Variants in SYT2 observed in about 807,000 individuals in gnomAD.
SYT2 encodes synaptotagmin-2.
A neutral mutation model predicts 39.9 loss-of-function variants in SYT2; 15 were observed. That is an observed-to-expected ratio of 0.38 (90% CI 0.25 to 0.58). The LOEUF is 0.58. Ranked by LOEUF, SYT2 falls within the 20% of genes least tolerant of loss-of-function variation. SYT2 has a pLI of 0.70. For synonymous variants in SYT2, 181 were observed against 204.5 expected, an observed-to-expected ratio of 0.89 and a Z score of 0.98; for missense variants, 389 against 530.3, an observed-to-expected ratio of 0.73 and a Z score of 2.62.
At chr1:202,608,371 G>A (rs961343522) in intron 1 of SYT2, among the ~76,000 whole-genome samples, 2 of 151,394 alleles carry the variant, frequency 1.3e-5, no homozygotes, top group African/African-American at 2.4e-5. Context: ...CCACCTCCAG[G>A]GCTCAAGTGA....
Position 202,646,422 on chromosome 1 carries a change from C to T in SYT2, c.-17-40633G>A, listed in dbSNP as rs185778029. ...TGCTTCTCCTCTGCAGCCCTCATCA[C>T]GCTTATCCTTCCTTGTTCTAGTCTC... is the stretch of plus-strand genomic sequence containing the variant. On this transcript the variant is annotated intron_variant, in intron 1 of 8. Transcript: ENST00000367268. Among the ~76,000 whole-genome samples the T allele has an allele frequency of 1.5e-4, 23 of 152,258 alleles. No homozygotes were observed. The South Asian group carries it at 1.7e-3, about 11-fold the overall frequency.
At chr1:202,657,280 A>G (rs1475085242) in intron 1 of SYT2, among the ~76,000 whole-genome samples, 1 of 152,180 alleles carries the variant, frequency 6.6e-6, no homozygotes, top group Non-Finnish European at 1.5e-5. Flanking sequence ...CGGTCTTTAG[A>G]GCAACCCACC....
At chr1:202,656,047 G>C (rs576813407) in intron 1 of SYT2, among the ~76,000 whole-genome samples, 1 of 152,318 alleles carries the variant, frequency 6.6e-6, no homozygotes, top group Admixed American at 6.5e-5. Flanking sequence ...AGAGAGGAGT[G>C]GGTGAACAGC....
At position 202,614,472 on chromosome 1, in the gene SYT2, T is replaced by TCACA. The variant is rs1294848199; in HGVS notation, c.-17-8684_-17-8683insTGTG. On this transcript the variant is annotated intron_variant, in intron 1 of 8. Transcript: ENST00000367268. The surrounding 1 kb of genome is among the most constrained non-coding windows in gnomAD (Gnocchi z 4.0). ...AGATGTGAGAGACACATTCATTCAT[T>TCACA]CACTCACTCACTCAAGTATTTACTG... 1.3e-5 allele frequency among the ~76,000 whole-genome samples: 2 copies of TCACA among 152,170 alleles called. No homozygotes were observed. Among genetic ancestry groups the TCACA allele is most frequent in the African/African-American group, 4.8e-5 (2 of 41,448 alleles).
At chr1:202,632,668 C>G (rs142515677) in intron 1 of SYT2, 13 of 847,464 alleles carry the variant, frequency 1.5e-5, no homozygotes, top group Non-Finnish European at 1.7e-5. Flanking sequence ...AGACCTGCCC[C>G]GGAGGAATCC....
intron 1 of SYT2, among the ~76,000 whole-genome samples, chr1:202,661,823 C>T (rs1692388451): frequency 6.6e-6 from 1 of 152,228 alleles, no homozygotes; most frequent in South Asian, 2.1e-4. Context: ...GAGTGGGACC[C>T]TAATTTGCTC....
rs539995498 is a variant in SYT2, at chr1:202,662,327, G to T, written c.-18+47931C>A. ...CCTCACTACTTCCTAAAGACGCAGA[G>T]ATTACACTAATTGATCCCCCTGCCT... On this transcript the variant is annotated intron_variant, in intron 1 of 8. Coordinates refer to ENST00000367268, the MANE Select transcript of SYT2 (RefSeq NM_177402.5). Among the ~76,000 whole-genome samples, 3 of 152,350 alleles carry T rather than the reference G, an allele frequency of 2.0e-5. No homozygotes were observed. The South Asian group carries it at 6.2e-4, about 32-fold the overall frequency.
In SYT2 at chr1:202,596,317, A is replaced by ACACACACT. The variant is rs1267055950; in HGVS notation, c.*439_*440insAGTGTGTG. On this transcript the variant is annotated 3_prime_UTR_variant, in exon 9 of 9. Transcript: ENST00000367268. ...CACACACACACACACATACACACAC[A>ACACACACT]CACACACACACACACACACGATCAT... The ACACACACT allele has an allele frequency of 6.3e-6, 1 of 159,254 alleles. No individual in the cohort carries two copies. The highest frequency in any genetic ancestry group is 1.2e-5 in the Non-Finnish European group (1 of 85,930). The allele number at this position is 159,254 out of a possible 1,614,324, so 9.9% of individuals were successfully genotyped here.
At position 202,603,165 on chromosome 1, in the gene SYT2, G is replaced by A. The variant is rs78403598; in HGVS notation, c.346-47C>T. On this transcript the variant is annotated intron_variant, in intron 3 of 8. Coordinates refer to ENST00000367268, the MANE Select transcript of SYT2 (RefSeq NM_177402.5). ...GGGAACAAGTTAAAAGGGGAGGACC[G>A]AGAAGTCTGGCTTAGCACAGGATGA... is the stretch of plus-strand genomic sequence containing the variant. 59 of 1,610,128 alleles carry A rather than the reference G, an allele frequency of 3.7e-5. No individual in the cohort carries two copies. In the Admixed American group the frequency reaches 7.5e-4, roughly 21 times the overall value.
chr1:202,607,583 C>T (rs1690749118), intron 1 of SYT2, among the ~76,000 whole-genome samples: 1 of 152,188 alleles, frequency 6.6e-6, no homozygotes, highest in African/African-American at 2.4e-5. Context: ...CTCCCCAGCC[C>T]TGGAGACTGC....
rs118115880 is a variant in SYT2, at chr1:202,681,595, C to T, written c.-18+28663G>A. Among the ~76,000 whole-genome samples the T allele has an allele frequency of 1.8e-4, 27 of 152,292 alleles. No homozygotes were observed. The East Asian group carries it at 5.2e-3, about 29-fold the overall frequency. ...CCTGAGGGCAAAGGCATGAGCTTGG[C>T]CCAGATTCAAAAAGGAACAGAGAGC... On this transcript the variant is annotated intron_variant, in intron 1 of 8. Transcript: ENST00000367268.
chr1:202,666,655 G>C (rs1457755425), intron 1 of SYT2, among the ~76,000 whole-genome samples: 1 of 152,110 alleles, frequency 6.6e-6, no homozygotes, highest in African/African-American at 2.4e-5. Context: ...CAGAGCACCC[G>C]GCCCCTAATC....
chr1:202,696,134 G>GA (rs1250131894), intron 1 of SYT2, among the ~76,000 whole-genome samples: 1 of 152,218 alleles, frequency 6.6e-6, no homozygotes, highest in Non-Finnish European at 1.5e-5. Flanking sequence ...ATGGAACACA[G>GA]AAAAGAGAGA....
At position 202,672,193 on chromosome 1, in the gene SYT2, C is replaced by T. The variant is rs181530520; in HGVS notation, c.-18+38065G>A. Among the ~76,000 whole-genome samples, 495 of 152,296 alleles carry T rather than the reference C, an allele frequency of 3.3e-3. 1 individual carries two copies. Among genetic ancestry groups the T allele is most frequent in the Non-Finnish European group, 5.6e-3 (378 of 68,028 alleles). ...AGTTTGAAAACAATAAAATATAAAG[C>T]TTATAATTGACAAATGCAGTGCTAT... On this transcript the variant is annotated intron_variant, in intron 1 of 8. Transcript: ENST00000367268.
intron 1 of SYT2, chr1:202,632,024 A>T: frequency 4.1e-6 from 4 of 985,404 alleles, no homozygotes; most frequent in Non-Finnish European, 3.6e-6. Context: ...GAGGACCACA[A>T]GAGCTTCCTT....
intron 1 of SYT2, among the ~76,000 whole-genome samples, chr1:202,613,171 C>T (rs1346115446): frequency 6.8e-6 from 1 of 146,406 alleles, no homozygotes; most frequent in Non-Finnish European, 1.5e-5. Flanking sequence ...ACCTCCGCCT[C>T]CTGGGCTCAA....
intron 1 of SYT2, among the ~76,000 whole-genome samples, chr1:202,679,365 TC>T (rs1460406620): frequency 6.6e-6 from 1 of 152,024 alleles, no homozygotes; most frequent in Non-Finnish European, 1.5e-5. Flanking sequence ...TAACTCAAAC[TC>T]CCCATATCCA....
intron 1 of SYT2, among the ~76,000 whole-genome samples, chr1:202,702,023 C>T (rs1018239924): frequency 6.6e-6 from 1 of 152,200 alleles, no homozygotes; most frequent in Admixed American, 6.5e-5. Flanking sequence ...TCTCCTCTGC[C>T]CCTTCCCCAT....
intron 1 of SYT2, among the ~76,000 whole-genome samples, chr1:202,674,212 G>A (rs148412204): frequency 5.3e-5 from 8 of 152,096 alleles, no homozygotes; most frequent in East Asian, 3.9e-4. Context: ...AGCAATTCTC[G>A]TGCCTCAGCC....
Sources: allele counts gnomAD v4.1 joint callset (sites outside exome capture counted in the v4.1 genomes callset), GRCh38; gene constraint gnomAD v4.1.1; non-coding constraint Gnocchi (gnomAD v3.1); transcripts MANE v1.5; gene names NCBI Gene and HGNC (gene_info 2026-07-23, HGNC 2026-07-21).